The following BBS2 variants were observed in gnomAD, a reference collection of about 807,000 sequenced individuals.
BBS2 encodes Bardet-Biedl syndrome 2, also known as BBSome complex member BBS2.
A neutral mutation model predicts 83.0 loss-of-function variants in BBS2; 62 were observed. The observed-to-expected ratio is 0.75, with a 90% CI of 0.61 to 0.92. The LOEUF is 0.92. Among genes scored for constraint, BBS2 ranks in the 40% least tolerant of loss-of-function variants. The pLI, the probability that BBS2 is intolerant of heterozygous loss-of-function variation, is 0.00. For missense variants in BBS2, 784 were observed against 901.0 expected, an observed-to-expected ratio of 0.87 and a Z score of 1.66; for synonymous variants, 303 against 326.1, an observed-to-expected ratio of 0.93 and a Z score of 0.76.
intron 12 of BBS2, chr16:56,499,464 A>T (rs879340398): frequency 4.8e-5 from 17 of 354,548 alleles, no homozygotes; most frequent in African/African-American, 1.9e-4. Context: ...CTCTCTTTTC[A>T]TCTTGCTGCA....
At chr16:56,494,002 A>G (rs1259261346) in intron 15 of BBS2, among the ~76,000 whole-genome samples, 1 of 152,094 alleles carries the variant, frequency 6.6e-6, no homozygotes, top group Non-Finnish European at 1.5e-5. Flanking sequence ...CTGTCATCCC[A>G]GGCTGGATTG....
intron 15 of BBS2, among the ~76,000 whole-genome samples, chr16:56,490,178 G>T (rs1963911107): frequency 6.6e-6 from 1 of 151,646 alleles, no homozygotes; most frequent in Non-Finnish European, 1.5e-5. Flanking sequence ...ATAATAATGT[G>T]ATAGTCATAA....
chr16:56,475,581 T>G, intron 17 of BBS2: 1 of 1,609,914 alleles, frequency 6.2e-7, no homozygotes, highest in Non-Finnish European at 8.5e-7. Flanking sequence ...TTTCTTCTGA[T>G]AGCAAACTAT....
rs1261941570 is a variant in BBS2, at chr16:56,501,031, G to A, written c.1226-6C>T. 6.2e-7 allele frequency: 1 copy of A among 1,614,110 alleles called. No homozygotes were observed. Among genetic ancestry groups the A allele is most frequent in the East Asian group, 2.2e-5 (1 of 44,882 alleles). On this transcript the variant is annotated splice_polypyrimidine_tract_variant and splice_region_variant and intron_variant, in intron 10 of 16. Transcript: ENST00000245157. ...TACTGCTCGGATGATGGTGTCTGCA[G>A]GGAAGAGTAAAAACAGTTTAAGAAC... is the stretch of plus-strand genomic sequence containing the variant.
Position 56,497,850 on chromosome 16 carries a change from C to A in BBS2, c.1690G>T (p.Ala564Ser), listed in dbSNP as rs780747680. The A allele has an allele frequency of 3.0e-5, 49 of 1,611,764 alleles. No individual in the cohort carries two copies. In the South Asian group the frequency reaches 5.2e-4, roughly 17 times the overall value. The change falls in exon 14 of 17, where the codon GCT (alanine) becomes TCT (serine). Residue 564 changes from alanine (A) to serine (S), a missense_variant. Ala to Ser is a moderately conservative substitution (Grantham distance 99, BLOSUM62 1). Transcript: ENST00000245157. ...GCCATTGACTGGATGATATCACCAG[C>A]CAAATCAATATCATCAGTATTTATA... ...ITINTDDIDL[A>S]GDIIQSMASF...
intron 15 of BBS2, among the ~76,000 whole-genome samples, chr16:56,492,908 A>G (rs1258748717): frequency 6.6e-6 from 1 of 152,198 alleles, no homozygotes; most frequent in African/African-American, 2.4e-5. Context: ...GCAAAAATAT[A>G]AAAAGATTTA....
chr16:56,472,459 T>A (rs1963244214), intron 17 of BBS2, among the ~76,000 whole-genome samples: 1 of 152,146 alleles, frequency 6.6e-6, no homozygotes, highest in Non-Finnish European at 1.5e-5. Flanking sequence ...TTTACGAAGT[T>A]TACCATCTTG....
At chr16:56,507,628 C>T (rs1964457514) in intron 5 of BBS2, among the ~76,000 whole-genome samples, 1 of 151,900 alleles carries the variant, frequency 6.6e-6, no homozygotes, top group Non-Finnish European at 1.5e-5. Context: ...GTAATGAAGG[C>T]TCCGGGCCCT....
rs564848200 is a variant in BBS2 at position 56,501,334 on chromosome 16, G to A, written c.1225+19C>T. ...ATGGCACAGGTGCCTCTAAATACCA[G>A]CTGTGAGTACTGTCTTACCATTAGA... On this transcript the variant is annotated intron_variant, in intron 10 of 16. Transcript: ENST00000245157. 6 of 1,613,504 alleles carry A rather than the reference G, an allele frequency of 3.7e-6. No individual in the cohort carries two copies. The East Asian group carries it at 1.1e-4, about 30-fold the overall frequency.
At chr16:56,489,926 C>A (rs923871907) in intron 15 of BBS2, among the ~76,000 whole-genome samples, 2 of 152,000 alleles carry the variant, frequency 1.3e-5, no homozygotes, top group African/African-American at 4.8e-5. Context: ...GAGTTCAAGA[C>A]CAGTCTGGGC....
At chr16:56,519,666 G>C in intron 1 of BBS2, 80 bp downstream of exon 1, 2 of 1,186,580 alleles carry the variant, frequency 1.7e-6, no homozygotes, top group Non-Finnish European at 2.5e-6. Context: ...GTCGGAGAGG[G>C]GACGGGATCC....
At chr16:56,497,105 G>A in intron 14 of BBS2, 26 bp from the exon 15 acceptor site, 3 of 1,455,146 alleles carry the variant, frequency 2.1e-6, no homozygotes, top group Non-Finnish European at 2.9e-6. Flanking sequence ...ACTCAGGAAT[G>A]AAAAAGGCCT....
chr16:56,510,807 G>A, intron 4 of BBS2, 52 bp downstream of exon 4: 2 of 1,592,362 alleles, frequency 1.3e-6, no homozygotes, highest in Non-Finnish European at 1.7e-6. Flanking sequence ...CACTGTCATG[G>A]CAAAATTCAT....
chr16:56,507,373 A>T (rs1352382322), intron 5 of BBS2, among the ~76,000 whole-genome samples: 2 of 152,178 alleles, frequency 1.3e-5, no homozygotes, highest in Admixed American at 6.5e-5. Flanking sequence ...ACTCTATTCC[A>T]GGTTCTTGTC....
Position 56,477,598 on chromosome 16 carries a change from G to A in BBS2, c.*1-6903C>T, listed in dbSNP as rs193021596. The A allele has an allele frequency of 6.6e-5, 10 of 152,262 alleles. No homozygotes were observed. The East Asian group carries it at 1.5e-3, about 23-fold the overall frequency. 9.4% of individuals were successfully genotyped at this position (152,262 alleles called of 1,614,324 possible). ...TAAAACCACATCAGAATGCCAAGAG[G>A]CTGTGCATCTTGTTAATTTTTTTCT... On this transcript the variant is annotated intron_variant, in intron 17 of 17. Coordinates refer to the BBS2 transcript ENST00000682047.
chr16:56,494,257 C>T (rs72622271), intron 15 of BBS2, among the ~76,000 whole-genome samples: 37,994 of 151,158 alleles, frequency 0.25, 5,417 homozygotes, highest in East Asian at 0.43. Context: ...TGTAAACTAC[C>T]GTGCCCAACC....
chr16:56,501,281 CAAA>C (rs150693766), intron 10 of BBS2, 69 bp downstream of exon 10: 302 of 1,343,066 alleles, frequency 2.2e-4, no homozygotes, highest in Non-Finnish European at 2.6e-4. Flanking sequence ...GACTCTGTCT[CAAA>C]AAAAAAAAAA....
chr16:56,517,494 T>C (rs185636904), intron 1 of BBS2, among the ~76,000 whole-genome samples: 106 of 152,368 alleles, frequency 7.0e-4, no homozygotes, highest in Non-Finnish European at 1.3e-3. Flanking sequence ...AAACCTCTTA[T>C]CAAATGTTAT....
intron 5 of BBS2, among the ~76,000 whole-genome samples, 161 bp from the exon 6 acceptor site, chr16:56,506,385 G>A (rs1321380698): frequency 6.6e-6 from 1 of 152,126 alleles, no homozygotes; most frequent in Admixed American, 6.5e-5. Flanking sequence ...TCTTCTCTAC[G>A]ATACATGTCA....
Sources: allele counts gnomAD v4.1 joint callset (sites outside exome capture counted in the v4.1 genomes callset), GRCh38; gene constraint gnomAD v4.1.1; transcripts MANE v1.5; gene names NCBI Gene and HGNC (gene_info 2026-07-23, HGNC 2026-07-21).